Variants in NAALADL1 observed in about 807,000 individuals in gnomAD.
NAALADL1 encodes the protein N-acetylated alpha-linked acidic dipeptidase like 1.
Under a neutral mutation model 82.8 loss-of-function variants are expected in NAALADL1, and 77 were observed. The observed-to-expected ratio is 0.93, with a 90% confidence interval of 0.77 to 1.12. The LOEUF (loss-of-function observed/expected upper bound fraction) is 1.12. Among genes scored for constraint, NAALADL1 ranks in the 50% most tolerant of loss-of-function variants. The pLI is 0.00. For missense variants in NAALADL1, 956 were observed against 964.0 expected, an observed-to-expected ratio of 0.99 and a Z score of 0.11; for synonymous variants, 358 against 399.2, an observed-to-expected ratio of 0.90 and a Z score of 1.23.
chr11:65,052,987 T>C (rs546358717), intron 8 of NAALADL1, among the ~76,000 whole-genome samples: 42 of 152,360 alleles, frequency 2.8e-4, no homozygotes, highest in African/African-American at 1.0e-3. Flanking sequence ...CATCGGGCCT[T>C]GCTCCATCCA....
rs370053195 is a variant in NAALADL1 at position 65,057,793 on chromosome 11, C to G, written c.480+82G>C. The G allele has an allele frequency of 6.9e-6, 11 of 1,586,172 alleles. No individual in the cohort carries two copies. The East Asian group carries it at 2.3e-4, about 32-fold the overall frequency. ...GGCGCGCTGTGCCCCAGTTGAGGCA[C>G]GTTCCCTGGGTCAGGGTGGGGAGAA... On this transcript the variant is annotated intron_variant, in intron 3 of 17. Coordinates refer to ENST00000358658, the MANE Select transcript of NAALADL1 (RefSeq NM_005468.3).
chr11:65,057,773 G>T, intron 3 of NAALADL1, 102 bp downstream of exon 3: 3 of 1,534,760 alleles, frequency 2.0e-6, no homozygotes, highest in Non-Finnish European at 2.7e-6. Context: ...CGGAGGGCGC[G>T]CTGTGCCCCA....
At chr11:65,056,758 C>T (rs1947051761) in intron 4 of NAALADL1, among the ~76,000 whole-genome samples, 1 of 148,132 alleles carries the variant, frequency 6.8e-6, no homozygotes, top group Non-Finnish European at 1.5e-5. Context: ...CGATGTCTCC[C>T]AGGCTGGAGA....
At chr11:65,051,746 A>G (rs533018) in intron 8 of NAALADL1, among the ~76,000 whole-genome samples, 47,968 of 151,932 alleles carry the variant, frequency 0.32, 8,228 homozygotes, top group East Asian at 0.76. Flanking sequence ...TTCAAATGCC[A>G]TGCTTAGCAC....
chr11:65,054,647 G>T lies in NAALADL1; in HGVS notation c.695C>A (p.Thr232Asn). ...GGGCAGGTACCAGGAGTTGGGAAAG[G>T]TTTCGTCGGGTGAGCTCAGCCCATC... ...INDGLSSPDETFPNSWYLPPS... is the reference protein window; with the variant it reads ...INDGLSSPDENFPNSWYLPPS... The change falls in exon 5 of 18, where the codon ACC becomes AAC. Residue 232 changes from threonine to asparagine, a missense_variant. Thr to Asn is a moderately conservative substitution (Grantham distance 65). Coordinates refer to ENST00000358658, the MANE Select transcript of NAALADL1 (RefSeq NM_005468.3). The surrounding 1 kb of genome is among the most constrained non-coding windows in gnomAD (Gnocchi z 4.3). 6.2e-7 allele frequency: 1 copy of T among 1,614,158 alleles called. No individual in the cohort carries two copies. Among genetic ancestry groups the T allele is most frequent in the Non-Finnish European group, 8.5e-7 (1 of 1,180,018 alleles).
chr11:65,048,630 G>C (rs947971095), intron 8 of NAALADL1: 3 of 568,306 alleles, frequency 5.3e-6, no homozygotes, highest in Non-Finnish European at 9.5e-6. Flanking sequence ...CTCTCTCTCT[G>C]TGGGCATGCT....
intron 8 of NAALADL1, among the ~76,000 whole-genome samples, chr11:65,052,314 C>A (rs1458955389): frequency 2.0e-5 from 3 of 151,798 alleles, no homozygotes; most frequent in Admixed American, 1.3e-4. Flanking sequence ...CCTTCCCCTG[C>A]TCCCCGCTTT....
chr11:65,058,568 T>C (rs1472526256), upstream of NAALADL1: 1 of 1,472,608 alleles, frequency 6.8e-7, no homozygotes, highest in African/African-American at 1.4e-5. Context: ...TATAGGTTAT[T>C]CCCTATAGAG....
At position 65,053,414 on chromosome 11, in the gene NAALADL1, G is replaced by A. The variant is rs761728772; in HGVS notation, c.1078+77C>T. On this transcript the variant is annotated intron_variant, in intron 7 of 17. Transcript: ENST00000358658. The surrounding 1 kb of genome is among the most constrained non-coding windows in gnomAD (Gnocchi z 4.3). Reference sequence around the variant, plus strand: ...GGGGAGCTGGGCTGGGTGGTGGCAAGGGCAGGGCTGGATGAGGACAGCGGC... The same window carrying A: ...GGGGAGCTGGGCTGGGTGGTGGCAAAGGCAGGGCTGGATGAGGACAGCGGC... The A allele has an allele frequency of 2.5e-6, 4 of 1,612,846 alleles. No homozygotes were observed. Among genetic ancestry groups the A allele is most frequent in the Non-Finnish European group, 3.4e-6 (4 of 1,179,382 alleles).
chr11:65,059,416 C>A (rs1947135026), upstream of NAALADL1, among the ~76,000 whole-genome samples: 1 of 152,186 alleles, frequency 6.6e-6, no homozygotes, highest in African/African-American at 2.4e-5. Flanking sequence ...CCTCATCTGA[C>A]TCTGGAAAAT....
At chr11:65,055,470 A>G (rs900109072) in intron 4 of NAALADL1, among the ~76,000 whole-genome samples, 4 of 152,112 alleles carry the variant, frequency 2.6e-5, no homozygotes, top group African/African-American at 9.7e-5. Context: ...AACAAAAAAC[A>G]ATGGAATATT....
chr11:65,050,260 C>T (rs1203287297), intron 8 of NAALADL1, among the ~76,000 whole-genome samples: 1 of 151,926 alleles, frequency 6.6e-6, no homozygotes, highest in African/African-American at 2.4e-5. Context: ...GGGCGGATCA[C>T]GAGGTCAGGA....
chr11:65,052,720 C>G (rs2137008903), intron 8 of NAALADL1, among the ~76,000 whole-genome samples: 1 of 152,334 alleles, frequency 6.6e-6, no homozygotes, highest in South Asian at 2.1e-4. Flanking sequence ...CCTGGCCTGG[C>G]CCTGCCTGCT....
Position 65,047,718 on chromosome 11 carries a change from G to A in NAALADL1, c.1437C>T (p.Gly479=). The A allele has an allele frequency of 3.1e-6, 5 of 1,605,214 alleles. No homozygotes were observed. Among genetic ancestry groups the A allele is most frequent in the Non-Finnish European group, 4.2e-6 (5 of 1,176,866 alleles). The change falls in exon 12 of 18, where the codon GGC becomes GGT. Residue 479 remains glycine, a synonymous_variant. Coordinates refer to ENST00000358658, the MANE Select transcript of NAALADL1 (RefSeq NM_005468.3). The part of the protein sequence containing the change: ...ATKEIRSPGP[G]DLSIYDNWIR... ...TCCAGTTGTCGTAGATGCTCAGGTC[G>A]CCAGGGCCTGGTGAGCGGATCTGGC... is the stretch of plus-strand genomic sequence containing the variant.
At position 65,045,398 on chromosome 11, in the gene NAALADL1, G is replaced by T; in HGVS notation, c.2096C>A (p.Ala699Asp). The T allele has an allele frequency of 1.2e-6, 2 of 1,613,206 alleles. No individual in the cohort carries two copies. Among genetic ancestry groups the T allele is most frequent in the South Asian group, 2.2e-5 (2 of 90,912 alleles). The stretch of plus-strand genomic sequence containing the variant: ...AGCTGTGTCCCTGGCCCTGGAGCAG[G>T]CATTGGATAGGCCCGGGAATGTGAC... ...SVVTFPGLSNACSRARDTASG... is the reference protein window; with the variant it reads ...SVVTFPGLSNDCSRARDTASG... Residue 699 changes from alanine to aspartate, a missense_variant, in exon 18 of 18, where the codon GCC becomes GAC. Ala to Asp is a moderately radical substitution (Grantham distance 126). Transcript: ENST00000358658.
In NAALADL1 at chr11:65,054,698, A is replaced by G; in HGVS notation, c.644T>C (p.Val215Ala). The change falls in exon 5 of 18, where the codon GTG becomes GCG. Residue 215 changes from valine (V) to alanine (A), a missense_variant. Coordinates refer to ENST00000358658, the MANE Select transcript of NAALADL1 (RefSeq NM_005468.3). The surrounding 1 kb of genome is among the most constrained non-coding windows in gnomAD (Gnocchi z 4.3). ...AAKHGVAGVL[V>A]YTDPADINDG... ...GTTGATGTCGGCAGGGTCTGTGTAC[A>G]CCAGCACCCCAGCTACCCCGTGCTT... is the stretch of plus-strand genomic sequence containing the variant. 6.2e-7 allele frequency: 1 copy of G among 1,614,058 alleles called. No homozygotes were observed. Among genetic ancestry groups the G allele is most frequent in the Non-Finnish European group, 8.5e-7 (1 of 1,180,016 alleles).
In NAALADL1 at chr11:65,054,079, G is replaced by C. The variant is rs1159750111; in HGVS notation, c.992+171C>G. On this transcript the variant is annotated intron_variant, in intron 6 of 17. Coordinates refer to ENST00000358658, the MANE Select transcript of NAALADL1 (RefSeq NM_005468.3). This position sits in a 1 kb window ranked among gnomAD's most constrained non-coding sequence, Gnocchi z 4.3. ...GGAAACAGCAGCAGCTGTTTCACGG[G>C]CTTCCCCAAAAACAAGACATATTTT... Among the ~76,000 whole-genome samples the C allele has an allele frequency of 1.3e-5, 2 of 152,178 alleles. No homozygotes were observed. Among genetic ancestry groups the C allele is most frequent in the Admixed American group, 1.3e-4 (2 of 15,280 alleles).
chr11:65,052,358 G>A (rs569846005), intron 8 of NAALADL1, among the ~76,000 whole-genome samples: 7 of 151,758 alleles, frequency 4.6e-5, no homozygotes, highest in African/African-American at 1.5e-4. Flanking sequence ...CCATTCTCCC[G>A]GCTGGAGTGC....
At chr11:65,057,744 T>A in intron 3 of NAALADL1, 131 bp downstream of exon 3, 1 of 1,385,704 alleles carries the variant, frequency 7.2e-7, no homozygotes, top group Non-Finnish European at 1.0e-6. Context: ...AGCGATGGAG[T>A]GTCCCGGTGA....
Sources: gnomAD v4.1 joint callset for allele counts (sites outside exome capture counted in the v4.1 genomes callset) on GRCh38, gnomAD v4.1.1 for gene constraint, Gnocchi (gnomAD v3.1) non-coding constraint, MANE v1.5 for transcripts, NCBI Gene and HGNC (gene_info 2026-07-23, HGNC 2026-07-21) for gene names.